The following MAF variants were observed in gnomAD, a reference collection of about 807,000 sequenced individuals.
MAF encodes MAF bZIP transcription factor.
Under a neutral mutation model 22.0 loss-of-function variants are expected in MAF, and 10 were observed. That is an observed-to-expected ratio of 0.45 (90% CI 0.28 to 0.77). The LOEUF (loss-of-function observed/expected upper bound fraction) is 0.77, where lower values mean the gene tolerates loss of function less well. MAF is among the 30% of genes least tolerant of loss of function. The pLI is 0.12. For missense variants in MAF, 544 were observed against 548.4 expected, an observed-to-expected ratio of 0.99 and a Z score of 0.08; for synonymous variants, 337 against 255.8, an observed-to-expected ratio of 1.32 and a Z score of -3.03.
the MAF span, among the ~76,000 whole-genome samples, chr16:79,243,456 G>C: frequency 6.6e-6 from 1 of 151,866 alleles, no homozygotes; most frequent in Non-Finnish European, 1.5e-5. Flanking sequence ...AAATAAACTA[G>C]AAAATCCACA....
the MAF span, among the ~76,000 whole-genome samples, chr16:79,306,564 T>C: frequency 1.3e-5 from 2 of 152,012 alleles, no homozygotes; most frequent in African/African-American, 4.8e-5. Flanking sequence ...ATGTATGGGA[T>C]AAAGGAGGGG....
the MAF span, among the ~76,000 whole-genome samples, chr16:79,562,863 C>G: frequency 2.4e-4 from 37 of 152,274 alleles, no homozygotes; most frequent in South Asian, 7.5e-3. Flanking sequence ...GATTCAGGCC[C>G]CTCCCCAGGT....
the MAF span, among the ~76,000 whole-genome samples, chr16:79,506,174 AAATCAACTG>A: frequency 6.6e-6 from 1 of 152,320 alleles, no homozygotes; most frequent in African/African-American, 2.4e-5. Context: ...TAAAAATGTA[AAATCAACTG>A]AATATTTACT....
chr16:79,510,577 CA>C, the MAF span, among the ~76,000 whole-genome samples: 1 of 152,068 alleles, frequency 6.6e-6, no homozygotes, highest in Non-Finnish European at 1.5e-5. Flanking sequence ...GGCAGTTGCT[CA>C]TCAAAGGGAC....
the MAF span, among the ~76,000 whole-genome samples, chr16:79,313,157 G>A: frequency 2.0e-5 from 3 of 152,166 alleles, no homozygotes; most frequent in African/African-American, 7.2e-5. Context: ...TGCCATGTCT[G>A]GGAAGTGATC....
At chr16:79,318,332 T>G in the MAF span, among the ~76,000 whole-genome samples, 3 of 152,288 alleles carry the variant, frequency 2.0e-5, no homozygotes, top group African/African-American at 7.2e-5. Flanking sequence ...TGCCCAGTCA[T>G]AGTCATGCTA....
At chr16:79,239,515 A>T in the MAF span, among the ~76,000 whole-genome samples, 3 of 152,066 alleles carry the variant, frequency 2.0e-5, no homozygotes, top group Admixed American at 1.3e-4. Context: ...ACTGGGTTGG[A>T]TGGATAAAAG....
the MAF span, among the ~76,000 whole-genome samples, chr16:79,513,094 T>C: frequency 6.6e-6 from 1 of 152,248 alleles, no homozygotes; most frequent in Non-Finnish European, 1.5e-5. Context: ...TGAGCATAAA[T>C]GCACGTGTGC....
the MAF span, among the ~76,000 whole-genome samples, chr16:79,361,717 GTGGT>G: frequency 1.2e-3 from 111 of 88,836 alleles, no homozygotes; most frequent in Non-Finnish European, 2.6e-3. Context: ...TACAGATTTG[GTGGT>G]CTTTCATCTC....
the MAF span, among the ~76,000 whole-genome samples, chr16:79,310,109 C>T: frequency 3.9e-5 from 6 of 152,300 alleles, no homozygotes; most frequent in Admixed American, 6.5e-5. Flanking sequence ...ATTTCCCCCC[C>T]GATTTCCTTC....
chr16:79,279,312 A>G, the MAF span, among the ~76,000 whole-genome samples: 3 of 152,290 alleles, frequency 2.0e-5, no homozygotes, highest in South Asian at 2.1e-4. Context: ...CTCTTTTGGA[A>G]AGTGGGAATG....
the MAF span, among the ~76,000 whole-genome samples, chr16:79,463,630 C>A: frequency 6.6e-6 from 1 of 152,090 alleles, no homozygotes; most frequent in Non-Finnish European, 1.5e-5. Flanking sequence ...CAAGTCAAAC[C>A]CTGCTGGACC....
At chr16:79,444,871 G>C in the MAF span, among the ~76,000 whole-genome samples, 2 of 152,106 alleles carry the variant, frequency 1.3e-5, no homozygotes, top group African/African-American at 4.8e-5. Context: ...TAATTGCATT[G>C]CATGGGCCAA....
the MAF span, among the ~76,000 whole-genome samples, chr16:79,526,269 G>C: frequency 2.0e-5 from 3 of 152,172 alleles, no homozygotes; most frequent in African/African-American, 4.8e-5. Context: ...TTCCACCTCA[G>C]ATTATCAGGC....
chr16:79,544,102 C>G, the MAF span, among the ~76,000 whole-genome samples: 2 of 152,022 alleles, frequency 1.3e-5, no homozygotes, highest in African/African-American at 4.8e-5. Context: ...AAAAGCTACC[C>G]CAACAAGTGG....
At chr16:79,528,042 C>G in the MAF span, among the ~76,000 whole-genome samples, 2 of 152,140 alleles carry the variant, frequency 1.3e-5, 1 homozygote, top group Non-Finnish European at 2.9e-5. Flanking sequence ...ACTCAGGAGG[C>G]TGAGCAGGAG....
At chr16:79,305,154 T>C in the MAF span, among the ~76,000 whole-genome samples, 2 of 152,280 alleles carry the variant, frequency 1.3e-5, no homozygotes, top group South Asian at 4.1e-4. Context: ...CAGGGGCTGG[T>C]CCCAGGGAGC....
the MAF span, among the ~76,000 whole-genome samples, chr16:79,376,389 T>C: frequency 6.6e-6 from 1 of 152,158 alleles, no homozygotes; most frequent in Non-Finnish European, 1.5e-5. Context: ...TTATGTATTT[T>C]TTCATTGCAA....
the MAF span, among the ~76,000 whole-genome samples, chr16:79,276,121 C>G: frequency 6.7e-6 from 1 of 149,056 alleles, no homozygotes; most frequent in African/African-American, 2.5e-5. Flanking sequence ...ATCCTGGGGA[C>G]AGATCAAGAC....
Sources: allele counts gnomAD v4.1 joint callset (sites outside exome capture counted in the v4.1 genomes callset), GRCh38; gene constraint gnomAD v4.1.1; transcripts MANE v1.5; gene names NCBI Gene and HGNC (gene_info 2026-07-23, HGNC 2026-07-21).